The following ERICH1 variants were observed in gnomAD, a reference collection of about 807,000 sequenced individuals.
ERICH1 encodes glutamate rich 1, also known as glutamate-rich protein 1.
ERICH1 carries 56 observed loss-of-function variants against 39.6 expected under a neutral mutation model. That is an observed-to-expected ratio of 1.41 (90% CI 1.14 to 1.77). ERICH1 has a LOEUF of 1.77. Ranked by LOEUF, ERICH1 falls within the 40% of genes most tolerant of loss-of-function variation. ERICH1 has a pLI of 0.00. For synonymous variants in ERICH1, 313 were observed against 223.6 expected (o/e 1.40, Z -3.57); for missense variants, 826 against 575.4 (o/e 1.44, Z -4.45).
Position 664,556 on chromosome 8 carries a change from T to A in ERICH1, c.*47A>T. 1 of 1,575,648 alleles carries A rather than the reference T, an allele frequency of 6.3e-7. No individual in the cohort carries two copies. Among genetic ancestry groups the A allele is most frequent in the Non-Finnish European group, 8.6e-7 (1 of 1,162,810 alleles). The stretch of plus-strand genomic sequence containing the variant: ...CTAAGCCCATCTCACATTTGTCTTT[T>A]AAGTTTTTTTGTTAAAGAGGAGCTG... On this transcript the variant is annotated 3_prime_UTR_variant, in exon 6 of 6. Transcript: ENST00000262109.
intron 3 of ERICH1, among the ~76,000 whole-genome samples, chr8:654,514 T>C (rs189457001): frequency 1.3e-5 from 2 of 152,322 alleles, no homozygotes; most frequent in East Asian, 1.9e-4. Flanking sequence ...TGTGACATTA[T>C]GTTTTATGTA....
intron 1 of ERICH1, among the ~76,000 whole-genome samples, chr8:726,460 A>G (rs1353954109): frequency 6.6e-6 from 1 of 151,786 alleles, no homozygotes; most frequent in Admixed American, 6.6e-5. Context: ...CACAACACAC[A>G]GGTGCACACA....
chr8:730,886 C>T (rs1819827573), intron 1 of ERICH1, among the ~76,000 whole-genome samples: 1 of 152,320 alleles, frequency 6.6e-6, no homozygotes, highest in East Asian at 1.9e-4. Flanking sequence ...CCGCCCAGGA[C>T]CCCAGACACC....
chr8:718,543 C>G (rs1281371418), intron 1 of ERICH1, among the ~76,000 whole-genome samples: 1 of 152,132 alleles, frequency 6.6e-6, no homozygotes, highest in Non-Finnish European at 1.5e-5. Flanking sequence ...TATAAAAATT[C>G]TAAAATGGAA....
At chr8:637,206 C>G (rs567218224) in intron 3 of ERICH1, among the ~76,000 whole-genome samples, 5 of 152,222 alleles carry the variant, frequency 3.3e-5, no homozygotes, top group Non-Finnish European at 7.3e-5. Flanking sequence ...GATCTGGCCA[C>G]ACTCATTCTG....
intron 3 of ERICH1, among the ~76,000 whole-genome samples, chr8:652,513 C>T (rs1563189821): frequency 6.6e-6 from 1 of 152,204 alleles, no homozygotes; most frequent in African/African-American, 2.4e-5. Flanking sequence ...CTGGCTCACA[C>T]CTGCTGTTTC....
chr8:721,733 G>C (rs1458602599), intron 1 of ERICH1, among the ~76,000 whole-genome samples: 8 of 152,116 alleles, frequency 5.3e-5, no homozygotes, highest in Admixed American at 5.2e-4. Flanking sequence ...TCTACTTCGC[G>C]ACTAATACCA....
At chr8:643,963 C>T (rs1161889618) in intron 3 of ERICH1, among the ~76,000 whole-genome samples, 1 of 152,238 alleles carries the variant, frequency 6.6e-6, no homozygotes, top group African/African-American at 2.4e-5. Context: ...TGAGCACCAG[C>T]ACGGTGGGCC....
intron 3 of ERICH1, among the ~76,000 whole-genome samples, chr8:639,840 C>T (rs1342252727): frequency 7.8e-6 from 1 of 127,468 alleles, no homozygotes; most frequent in African/African-American, 3.0e-5. Flanking sequence ...GCAGACACAC[C>T]AAGCACCCTG....
chr8:637,514 T>A (rs1174643275), intron 3 of ERICH1: 1 of 152,340 alleles, frequency 6.6e-6, no homozygotes, highest in Non-Finnish European at 1.5e-5. Flanking sequence ...GAGCCCCACA[T>A]GCCTGTTGTG....
At chr8:668,390 G>A in intron 5 of ERICH1, 1 of 599,540 alleles carries the variant, frequency 1.7e-6, no homozygotes, top group East Asian at 2.8e-5. Flanking sequence ...GACTGCACAT[G>A]CATTTCTGCA....
intron 5 of ERICH1, chr8:666,409 G>A (rs1436640307): frequency 6.6e-6 from 1 of 152,208 alleles, no homozygotes; most frequent in Admixed American, 6.5e-5. Context: ...ATCTAAGTTT[G>A]TTAAGTACTT....
chr8:720,394 G>C (rs541353173), intron 1 of ERICH1, among the ~76,000 whole-genome samples: 1 of 152,220 alleles, frequency 6.6e-6, no homozygotes, highest in African/African-American at 2.4e-5. Flanking sequence ...AGACACACAG[G>C]ATAACAAAGC....
intron 2 of ERICH1, among the ~76,000 whole-genome samples, chr8:707,023 C>A (rs943292799): frequency 6.6e-6 from 1 of 151,778 alleles, no homozygotes; most frequent in African/African-American, 2.4e-5. Context: ...TGCAAGAGAC[C>A]CTGAGTCTTG....
In ERICH1 at chr8:648,961, T is replaced by A. The variant is rs1442049668; in HGVS notation, c.976+19637A>T. Among the ~76,000 whole-genome samples, 4 of 69,574 alleles carry A rather than the reference T, an allele frequency of 5.7e-5. 2 individuals carry two copies. The highest frequency in any genetic ancestry group is 5.0e-4 in the Admixed American group (4 of 8,062). 45.6% of individuals were successfully genotyped at this position (69,574 alleles called of 152,430 possible). ...ACAGGACATTTTCCTGCCTGTAATCTCTTTGCATATTTTTAAGTGGATTAG... is the reference window on the plus strand; with the variant it reads ...ACAGGACATTTTCCTGCCTGTAATCACTTTGCATATTTTTAAGTGGATTAG... On this transcript the variant is annotated intron_variant, in intron 3 of 3. Coordinates refer to the ERICH1 transcript ENST00000522706.
intron 3 of ERICH1, among the ~76,000 whole-genome samples, chr8:618,096 T>C (rs1413830108): frequency 6.7e-6 from 1 of 150,284 alleles, no homozygotes; most frequent in African/African-American, 2.5e-5. Context: ...GCTCAGTCCA[T>C]CCTCACTGCC....
intron 3 of ERICH1, among the ~76,000 whole-genome samples, chr8:649,586 C>G (rs1031643710): frequency 5.3e-5 from 8 of 152,012 alleles, no homozygotes; most frequent in Non-Finnish European, 8.8e-5. Context: ...ATGTCCAGCA[C>G]CGTACCTCTC....
At chr8:666,337 T>C (rs1467887312) in intron 5 of ERICH1, 1 of 152,252 alleles carries the variant, frequency 6.6e-6, no homozygotes, top group African/African-American at 2.4e-5. Context: ...AAAAATCTCC[T>C]ATCAGTTTAA....
chr8:636,157 C>T (rs1798418735), intron 3 of ERICH1, among the ~76,000 whole-genome samples: 1 of 152,200 alleles, frequency 6.6e-6, no homozygotes, highest in Non-Finnish European at 1.5e-5. Context: ...GCGGCTGAAT[C>T]CCTGCGCCCC....
Sources: gnomAD v4.1 joint callset for allele counts (sites outside exome capture counted in the v4.1 genomes callset) on GRCh38, gnomAD v4.1.1 for gene constraint, MANE v1.5 for transcripts, NCBI Gene and HGNC (gene_info 2026-07-23, HGNC 2026-07-21) for gene names.